Variants in CDK13 observed in about 807,000 individuals in gnomAD.
CDK13 encodes cyclin-dependent kinase 13.
Under a neutral mutation model 137.6 loss-of-function variants are expected in CDK13, and 40 were observed. The observed-to-expected ratio is 0.29, with a 90% CI of 0.23 to 0.38. The LOEUF (loss-of-function observed/expected upper bound fraction) is 0.38, where lower values mean the gene tolerates loss of function less well. CDK13 is among the 10% of genes least tolerant of loss of function. The pLI, the probability that CDK13 is intolerant of heterozygous loss-of-function variation, is 1.00. For missense variants in CDK13, 1,704 were observed against 1,951.8 expected (o/e 0.87, Z 2.39); for synonymous variants, 869 against 760.1 (o/e 1.14, Z -2.36).
At chr7:40,009,957 G>T (rs1784862411) in intron 5 of CDK13, among the ~76,000 whole-genome samples, 1 of 152,156 alleles carries the variant, frequency 6.6e-6, no homozygotes, top group Non-Finnish European at 1.5e-5. Context: ...ATTTATGCAT[G>T]AGAAAATCCT....
intron 7 of CDK13, 43 bp from the exon 8 acceptor site, chr7:40,062,779 TACTC>T (rs1432625882): frequency 7.7e-7 from 1 of 1,294,386 alleles, no homozygotes. Context: ...GAATCTGTCT[TACTC>T]CAACAAATAC....
At chr7:39,968,486 G>C (rs933313042) in intron 1 of CDK13, among the ~76,000 whole-genome samples, 1 of 152,124 alleles carries the variant, frequency 6.6e-6, no homozygotes, top group Non-Finnish European at 1.5e-5. Flanking sequence ...CAGTCCTCCC[G>C]CCTAGCCTCT....
chr7:39,966,419 C>T (rs1008220174), intron 1 of CDK13, among the ~76,000 whole-genome samples: 1 of 152,208 alleles, frequency 6.6e-6, no homozygotes, highest in Non-Finnish European at 1.5e-5. Flanking sequence ...GAGGCTTGTG[C>T]ATTCATCACG....
intron 5 of CDK13, among the ~76,000 whole-genome samples, chr7:40,024,654 T>TTTTTG (rs1562735191): frequency 8.9e-6 from 1 of 112,480 alleles, no homozygotes; most frequent in African/African-American, 3.8e-5. Context: ...TGTTTTTTTT[T>TTTTTG]TTTTTTTTTT....
chr7:40,091,345 C>G (rs1786918587), intron 12 of CDK13, among the ~76,000 whole-genome samples: 1 of 149,958 alleles, frequency 6.7e-6, no homozygotes, highest in Non-Finnish European at 1.5e-5. Context: ...GAGACTCCGT[C>G]TCAAAAAAAA....
In CDK13 at chr7:39,950,526, G is replaced by A. The variant is rs1787114340; in HGVS notation, c.-116G>A. ...GATTATCGTGGCGCTTTTCCCGGCC[G>A]GCTCTGGTGCTCGGTGTCCCTCCGC... On this transcript the variant is annotated 5_prime_UTR_variant, in exon 1 of 14. Transcript: ENST00000181839. The A allele has an allele frequency of 3.2e-6, 4 of 1,265,884 alleles. No homozygotes were observed. The highest frequency in any genetic ancestry group is 3.1e-5 in the African/African-American group (2 of 64,644). 78.4% of individuals were successfully genotyped at this position (1,265,884 alleles called of 1,614,324 possible). A position where few individuals can be genotyped will look rare whatever the true frequency, so the allele number is the denominator to read the frequency against.
At position 39,965,727 on chromosome 7, in the gene CDK13, A is replaced by G. The variant is rs1403047904; in HGVS notation, c.1211+13875A>G. Among the ~76,000 whole-genome samples, 14 of 152,180 alleles carry G rather than the reference A, an allele frequency of 9.2e-5. No homozygotes were observed. The East Asian group carries it at 2.1e-3, about 23-fold the overall frequency. On this transcript the variant is annotated intron_variant, in intron 1 of 13. Coordinates refer to ENST00000181839, the MANE Select transcript of CDK13 (RefSeq NM_003718.5). ...CTTCCTAGCCTCAATGGTCTTTACA[A>G]TTTGGTATGTTTTTGCAGTGGCTCT...
At chr7:40,003,713 T>C (rs551690517) in intron 5 of CDK13, among the ~76,000 whole-genome samples, 5 of 152,322 alleles carry the variant, frequency 3.3e-5, no homozygotes, top group Non-Finnish European at 5.9e-5. Flanking sequence ...CGTCCTGCTT[T>C]TTTGATCTGT....
chr7:40,073,379 C>G (rs1786464630), intron 9 of CDK13, among the ~76,000 whole-genome samples: 2 of 152,170 alleles, frequency 1.3e-5, no homozygotes, highest in Non-Finnish European at 2.9e-5. Flanking sequence ...ATGACTGACA[C>G]CTGTAATGCT....
chr7:39,965,232 T>G (rs1287161953), intron 1 of CDK13, among the ~76,000 whole-genome samples: 1 of 152,190 alleles, frequency 6.6e-6, no homozygotes, highest in African/African-American at 2.4e-5. Flanking sequence ...GGTGTTAAAG[T>G]CTCCCATTAT....
chr7:39,968,418 T>C (rs572791254), intron 1 of CDK13, among the ~76,000 whole-genome samples: 1 of 152,268 alleles, frequency 6.6e-6, no homozygotes, highest in Non-Finnish European at 1.5e-5. Context: ...CTGTTTATTT[T>C]TAAGACACAG....
intron 1 of CDK13, among the ~76,000 whole-genome samples, chr7:39,983,547 C>G (rs4344004): frequency 0.089 from 13,475 of 152,180 alleles, 1,035 homozygotes; most frequent in East Asian, 0.36. Context: ...ATCTTTGTAT[C>G]TCTTTTCTTA....
Position 39,950,838 on chromosome 7 carries a change from C to A in CDK13, c.197C>A (p.Thr66Lys). ...CTGCTCTTCCTGGCTGCTCCCGGCA[C>A]GGCCGCCGCCGCAGCCGCCGCCGCC... ...PPLLFLAAPG[T>K]AAAAAAAAAA... Residue 66 changes from threonine to lysine, a missense_variant, in exon 1 of 14, where the codon ACG (threonine) becomes AAG (lysine). Around this residue, in one of 5 missense-constraint regions of CDK13, gnomAD observed 1,051 missense variants for 931.0 expected, o/e 1.13. Transcript: ENST00000181839. 1 of 1,383,230 alleles carries A rather than the reference C, an allele frequency of 7.2e-7. No homozygotes were observed. The highest frequency in any genetic ancestry group is 9.3e-7 in the Non-Finnish European group (1 of 1,079,196). 85.7% of individuals were successfully genotyped at this position (1,383,230 alleles called of 1,614,324 possible). A position where few individuals can be genotyped will look rare whatever the true frequency, so the allele number is the denominator to read the frequency against.
At chr7:40,056,807 A>C (rs1220212648) in intron 7 of CDK13, among the ~76,000 whole-genome samples, 1 of 152,246 alleles carries the variant, frequency 6.6e-6, no homozygotes, top group East Asian at 1.9e-4. Context: ...TGTGAGATAC[A>C]TCCCTGCCTC....
At chr7:40,038,841 A>T (rs1785541686) in intron 5 of CDK13, among the ~76,000 whole-genome samples, 2 of 152,034 alleles carry the variant, frequency 1.3e-5, no homozygotes, top group Non-Finnish European at 2.9e-5. Flanking sequence ...GATTACAGTC[A>T]TGCACCACCA....
In CDK13 at chr7:40,098,643, G is replaced by A. The variant is rs1048412552; in HGVS notation, c.*3663G>A. On this transcript the variant is annotated 3_prime_UTR_variant, in exon 14 of 14. Transcript: ENST00000181839. Reference sequence around the variant, plus strand: ...TTACTTTACAACTAAGAAAAATAAGGCTTAGAAAGAGGGATTGCCAGAAAC... The same window carrying A: ...TTACTTTACAACTAAGAAAAATAAGACTTAGAAAGAGGGATTGCCAGAAAC... 2.6e-5 allele frequency: 4 copies of A among 151,752 alleles called. No individual in the cohort carries two copies. Among genetic ancestry groups the A allele is most frequent in the Admixed American group, 6.6e-5 (1 of 15,186 alleles). 9.4% of individuals were successfully genotyped at this position (151,752 alleles called of 1,614,324 possible).
At chr7:40,074,874 C>T (rs1372332353) in intron 9 of CDK13, among the ~76,000 whole-genome samples, 1 of 149,314 alleles carries the variant, frequency 6.7e-6, no homozygotes, top group Non-Finnish European at 1.5e-5. Context: ...AAAGGAAATA[C>T]ACAAAATCTC....
At position 40,003,192 on chromosome 7, in the gene CDK13, ACACACACACACACACTCTCT is replaced by A. The variant is rs771570041; in HGVS notation, c.2353+1163_2353+1182del. ...CACACACACACACACACACACACAC[ACACACACACACACACTCTCT>A]CTCTCTCTCTCTCTTACTCTGTTGA... On this transcript the variant is annotated intron_variant, in intron 5 of 13. Transcript: ENST00000181839. Among the ~76,000 whole-genome samples, 282 of 98,074 alleles carry A rather than the reference ACACACACACACACACTCTCT, an allele frequency of 2.9e-3. 6 individuals carry two copies. The highest frequency in any genetic ancestry group is 0.018 in the South Asian group (57 of 3,104). The allele number at this position is 98,074 out of a possible 152,430, so 64.3% of individuals were successfully genotyped here. A position where few individuals can be genotyped will look rare whatever the true frequency, so the allele number is the denominator to read the frequency against.
chr7:39,997,272 C>T (rs892770363), intron 2 of CDK13, among the ~76,000 whole-genome samples: 1 of 151,962 alleles, frequency 6.6e-6, no homozygotes, highest in African/African-American at 2.4e-5. Context: ...ATACAGATTT[C>T]CTTAGTTTTT....
Sources: allele counts gnomAD v4.1 joint callset (sites outside exome capture counted in the v4.1 genomes callset), GRCh38; gene constraint gnomAD v4.1.1; regional missense constraint gnomAD v4.1.1; transcripts MANE v1.5; gene names NCBI Gene and HGNC (gene_info 2026-07-23, HGNC 2026-07-21).